The following CCDC192 variants were observed in gnomAD, a reference collection of about 807,000 sequenced individuals.
The protein encoded by CCDC192 is coiled-coil domain containing 192.
intron 6 of CCDC192, among the ~76,000 whole-genome samples, chr5:127,909,747 A>C (rs537331360): frequency 2.6e-5 from 4 of 152,326 alleles, no homozygotes; most frequent in African/African-American, 4.8e-5. Flanking sequence ...GATGCACTGA[A>C]GTTTACTGGA....
chr5:127,865,460 G>A (rs960338650), intron 5 of CCDC192, among the ~76,000 whole-genome samples: 1 of 151,824 alleles, frequency 6.6e-6, no homozygotes, highest in African/African-American at 2.4e-5. Context: ...CACCTTTCAA[G>A]GTTTGGGGTG....
At chr5:127,838,916 G>A (rs1296588608) in intron 5 of CCDC192, among the ~76,000 whole-genome samples, 1 of 152,192 alleles carries the variant, frequency 6.6e-6, no homozygotes, top group Non-Finnish European at 1.5e-5. Flanking sequence ...CACACTGACA[G>A]CCTGGGCCTC....
At chr5:127,768,459 G>A (rs781458775) in intron 3 of CCDC192, among the ~76,000 whole-genome samples, 3 of 152,134 alleles carry the variant, frequency 2.0e-5, no homozygotes, top group Non-Finnish European at 2.9e-5. Context: ...GAAGCTAGGA[G>A]AGGGGCTGGA....
intron 6 of CCDC192, among the ~76,000 whole-genome samples, chr5:127,889,408 T>A (rs1752665308): frequency 6.0e-5 from 1 of 16,628 alleles, no homozygotes; most frequent in Non-Finnish European, 1.5e-4. Context: ...TCTTTCTTTC[T>A]TTTTTTTTTT....
At chr5:127,875,838 G>C (rs773973966) in intron 6 of CCDC192, among the ~76,000 whole-genome samples, 177 bp downstream of exon 6, 1 of 152,080 alleles carries the variant, frequency 6.6e-6, no homozygotes, top group Non-Finnish European at 1.5e-5. Flanking sequence ...CACCTTGAGA[G>C]GGGCAGGGAA....
chr5:127,800,542 G>A (rs900062299), intron 5 of CCDC192, among the ~76,000 whole-genome samples: 1 of 152,114 alleles, frequency 6.6e-6, no homozygotes, highest in African/African-American at 2.4e-5. Flanking sequence ...TATGAATGGT[G>A]ATTTGTAACA....
chr5:127,720,301 C>T (rs1043957819), intron 2 of CCDC192, among the ~76,000 whole-genome samples: 15 of 152,300 alleles, frequency 9.8e-5, no homozygotes, highest in African/African-American at 3.6e-4. Flanking sequence ...CCATGCAAGT[C>T]CAAAACTCAG....
intron 3 of CCDC192, among the ~76,000 whole-genome samples, chr5:127,780,874 G>A (rs1196180831): frequency 1.3e-5 from 2 of 152,122 alleles, no homozygotes; most frequent in African/African-American, 4.8e-5. Flanking sequence ...TTGCTTTTGG[G>A]TTCTTGGTCA....
intron 3 of CCDC192, among the ~76,000 whole-genome samples, chr5:127,774,295 G>A (rs1391891905): frequency 6.6e-6 from 1 of 151,982 alleles, no homozygotes; most frequent in South Asian, 2.1e-4. Flanking sequence ...AACATTTTTT[G>A]TGTGTTTTTG....
chr5:127,899,210 G>A (rs1752976027), intron 6 of CCDC192, among the ~76,000 whole-genome samples: 1 of 152,112 alleles, frequency 6.6e-6, no homozygotes, highest in African/African-American at 2.4e-5. Flanking sequence ...TAAAGCGAAA[G>A]AAATGCTCTA....
At chr5:127,883,102 T>C (rs1752420778) in intron 6 of CCDC192, among the ~76,000 whole-genome samples, 1 of 152,222 alleles carries the variant, frequency 6.6e-6, no homozygotes, top group South Asian at 2.1e-4. Context: ...CAGGTTGATA[T>C]GTAGTCAAAA....
chr5:127,925,598 C>CA (rs960551033), intron 6 of CCDC192, among the ~76,000 whole-genome samples: 1 of 152,098 alleles, frequency 6.6e-6, no homozygotes, highest in East Asian at 1.9e-4. Flanking sequence ...GCAAGTAGCA[C>CA]AAAAAAAGTT....
intron 5 of CCDC192, among the ~76,000 whole-genome samples, chr5:127,858,645 G>T (rs1409315204): frequency 6.6e-6 from 1 of 152,216 alleles, no homozygotes; most frequent in Non-Finnish European, 1.5e-5. Flanking sequence ...TGCTAAGTTT[G>T]TCTGCGATAA....
At chr5:127,779,374 C>A (rs181888163) in intron 3 of CCDC192, among the ~76,000 whole-genome samples, 3 of 152,194 alleles carry the variant, frequency 2.0e-5, no homozygotes, top group Non-Finnish European at 4.4e-5. Flanking sequence ...CGGCTCACTG[C>A]AAGCTCTGCC....
chr5:127,796,151 A>G (rs1045214638), intron 3 of CCDC192, among the ~76,000 whole-genome samples: 3 of 152,180 alleles, frequency 2.0e-5, no homozygotes, highest in Non-Finnish European at 4.4e-5. Flanking sequence ...ATATGCCAGT[A>G]TATCTGATGG....
At chr5:127,718,692 A>G (rs1751782299) in intron 2 of CCDC192, among the ~76,000 whole-genome samples, 1 of 152,202 alleles carries the variant, frequency 6.6e-6, no homozygotes, top group African/African-American at 2.4e-5. Flanking sequence ...TGTTTAGATC[A>G]GGGAAGACTG....
upstream of CCDC192, among the ~76,000 whole-genome samples, chr5:127,702,446 GT>G (rs754587783): frequency 3.8e-4 from 57 of 151,954 alleles, no homozygotes; most frequent in East Asian, 7.2e-3. Context: ...TATTCATAGG[GT>G]TTTTTTTACC....
intron 5 of CCDC192, among the ~76,000 whole-genome samples, chr5:127,875,173 TG>T (rs1318624822): frequency 1.3e-5 from 2 of 152,020 alleles, no homozygotes; most frequent in Non-Finnish European, 2.9e-5. Flanking sequence ...TACTTACAGA[TG>T]GGAAAAAAAA....
At chr5:127,902,796 T>C (rs1753076697) in intron 6 of CCDC192, among the ~76,000 whole-genome samples, 1 of 152,218 alleles carries the variant, frequency 6.6e-6, no homozygotes, top group African/African-American at 2.4e-5. Flanking sequence ...TCTGGGCAGA[T>C]AGAGCTTGTG....
Sources: allele counts gnomAD v4.1 joint callset (sites outside exome capture counted in the v4.1 genomes callset), GRCh38; gene constraint gnomAD v4.1.1; transcripts MANE v1.5; gene names NCBI Gene and HGNC (gene_info 2026-07-23, HGNC 2026-07-21).